The following ALDH1A2 variants were observed in gnomAD, a reference collection of about 807,000 sequenced individuals.
The protein encoded by ALDH1A2 is aldehyde dehydrogenase 1 family member A2, also known as retinal dehydrogenase 2.
A neutral mutation model predicts 60.3 loss-of-function variants in ALDH1A2; 27 were observed. The observed-to-expected ratio is 0.45, with a 90% confidence interval of 0.33 to 0.62. The LOEUF (loss-of-function observed/expected upper bound fraction) is 0.62, where lower values mean the gene tolerates loss of function less well. ALDH1A2 is among the 20% of genes least tolerant of loss of function. The probability of loss-of-function intolerance (pLI) is 0.02; values close to 1 mark genes in which losing one functional copy is unlikely to be tolerated. For synonymous variants in ALDH1A2, 289 were observed against 232.4 expected (o/e 1.24, Z -2.21); for missense variants, 581 against 643.8 (o/e 0.90, Z 1.06).
At position 57,970,751 on chromosome 15, in the gene ALDH1A2, C is replaced by G. The variant is rs35774233; in HGVS notation, c.799-4924G>C. ...CACCTTTTTAAAAATGGAAAAATCT[C>G]TACTAGAGATCCCAGTAAACTAGTT... is the stretch of plus-strand genomic sequence containing the variant. On this transcript the variant is annotated intron_variant, in intron 7 of 12. Coordinates refer to ENST00000249750, the MANE Select transcript of ALDH1A2 (RefSeq NM_003888.4). Among the ~76,000 whole-genome samples the G allele has an allele frequency of 1.8e-3, 278 of 152,266 alleles. 1 individual carries two copies. Among genetic ancestry groups the G allele is most frequent in the Middle Eastern group, 6.8e-3 (2 of 294 alleles).
chr15:58,043,643 T>C (rs1243103178), intron 1 of ALDH1A2, among the ~76,000 whole-genome samples: 1 of 151,954 alleles, frequency 6.6e-6, no homozygotes, highest in Non-Finnish European at 1.5e-5. Context: ...AACGGTGAGA[T>C]TCAGGTGGAA....
chr15:57,970,715 C>G (rs1894034848), intron 7 of ALDH1A2, among the ~76,000 whole-genome samples: 1 of 152,064 alleles, frequency 6.6e-6, no homozygotes. Flanking sequence ...AGATTTTTCT[C>G]AGCGATATAA....
At chr15:57,998,876 G>C (rs1895156695) in intron 4 of ALDH1A2, among the ~76,000 whole-genome samples, 1 of 152,038 alleles carries the variant, frequency 6.6e-6, no homozygotes, top group African/African-American at 2.4e-5. Flanking sequence ...GAACAGAATA[G>C]AGAAATCAGA....
At chr15:58,011,559 A>T (rs1238758913) in intron 3 of ALDH1A2, among the ~76,000 whole-genome samples, 1 of 152,232 alleles carries the variant, frequency 6.6e-6, no homozygotes, top group Non-Finnish European at 1.5e-5. Context: ...TGAAATTAAC[A>T]AACATGTTTG....
intron 7 of ALDH1A2, 108 bp downstream of exon 7, chr15:57,992,597 T>C: frequency 1.0e-6 from 1 of 1,002,508 alleles, no homozygotes; most frequent in Non-Finnish European, 1.6e-6. Flanking sequence ...GCTTGGGTAC[T>C]CACTGCCCTT....
intron 1 of ALDH1A2, among the ~76,000 whole-genome samples, chr15:58,027,492 C>T (rs11857461): frequency 0.38 from 57,267 of 151,948 alleles, 11,990 homozygotes; most frequent in Non-Finnish European, 0.49. Flanking sequence ...ACCTCTTCTT[C>T]TCCAAAGGAT....
intron 7 of ALDH1A2, among the ~76,000 whole-genome samples, chr15:57,991,909 T>G (rs551361723): frequency 1.3e-5 from 2 of 152,186 alleles, no homozygotes; most frequent in East Asian, 1.9e-4. Flanking sequence ...TCAGAGATAT[T>G]TGAGTAACAT....
intron 1 of ALDH1A2, among the ~76,000 whole-genome samples, chr15:58,035,351 G>A (rs1896351664): frequency 6.6e-6 from 1 of 151,252 alleles, no homozygotes; most frequent in South Asian, 2.1e-4. Context: ...CTTTTAGTTA[G>A]CCAGGCTACA....
chr15:58,030,620 T>C (rs1376545282), intron 1 of ALDH1A2, among the ~76,000 whole-genome samples: 2 of 152,162 alleles, frequency 1.3e-5, no homozygotes, highest in African/African-American at 4.8e-5. Flanking sequence ...GCAGGTGACA[T>C]GATTGTATAT....
chr15:57,973,765 G>A (rs1299802230), intron 7 of ALDH1A2, among the ~76,000 whole-genome samples: 2 of 152,144 alleles, frequency 1.3e-5, no homozygotes, highest in Admixed American at 6.5e-5. Flanking sequence ...AGAAGTCACG[G>A]GATTAGTTCC....
chr15:57,974,608 A>C (rs185536763), intron 7 of ALDH1A2, among the ~76,000 whole-genome samples: 186 of 152,266 alleles, frequency 1.2e-3, no homozygotes, highest in Non-Finnish European at 2.3e-3. Context: ...CTTACCTCTC[A>C]ACATACACAA....
chr15:57,982,430 G>C (rs1894546869), intron 7 of ALDH1A2, among the ~76,000 whole-genome samples: 1 of 152,144 alleles, frequency 6.6e-6, no homozygotes, highest in African/African-American at 2.4e-5. Flanking sequence ...TTGGTTTAGA[G>C]AGACGCAAAC....
At chr15:58,029,838 G>T (rs1376895670) in intron 1 of ALDH1A2, among the ~76,000 whole-genome samples, 1 of 152,090 alleles carries the variant, frequency 6.6e-6, no homozygotes, top group Admixed American at 6.5e-5. Flanking sequence ...AATAAACCAG[G>T]AAGAAGCTGA....
At chr15:57,963,638 C>T (rs944793094) in intron 9 of ALDH1A2, among the ~76,000 whole-genome samples, 6 of 152,078 alleles carry the variant, frequency 3.9e-5, no homozygotes, top group South Asian at 2.1e-4. Flanking sequence ...CCACTGCGCC[C>T]GGCCAGAATA....
intron 9 of ALDH1A2, among the ~76,000 whole-genome samples, chr15:57,962,473 A>T (rs1376123853): frequency 6.6e-6 from 1 of 152,222 alleles, no homozygotes; most frequent in African/African-American, 2.4e-5. Context: ...ACACTGGCTA[A>T]TTTACTATTC....
At chr15:58,040,463 C>A (rs1896489433) in intron 1 of ALDH1A2, among the ~76,000 whole-genome samples, 1 of 151,854 alleles carries the variant, frequency 6.6e-6, no homozygotes, top group Admixed American at 6.6e-5. Flanking sequence ...TATGAGGGGC[C>A]CACTATGTAC....
intron 1 of ALDH1A2, among the ~76,000 whole-genome samples, chr15:58,021,842 G>A (rs756667664): frequency 5.3e-5 from 8 of 152,242 alleles, no homozygotes; most frequent in Non-Finnish European, 1.2e-4. Flanking sequence ...ATGTGTTGCT[G>A]AGATCTAAGA....
At chr15:57,955,563 C>A (rs1028310166) in intron 12 of ALDH1A2, among the ~76,000 whole-genome samples, 2 of 152,216 alleles carry the variant, frequency 1.3e-5, no homozygotes, top group African/African-American at 2.4e-5. Context: ...CAATGACTCT[C>A]AATTACTCAG....
chr15:58,029,485 C>A (rs760506056), intron 1 of ALDH1A2, among the ~76,000 whole-genome samples: 2 of 151,438 alleles, frequency 1.3e-5, no homozygotes. Context: ...ATTAAAAGAA[C>A]TAGAGAAGCA....
Sources: allele counts gnomAD v4.1 joint callset (sites outside exome capture counted in the v4.1 genomes callset), GRCh38; gene constraint gnomAD v4.1.1; transcripts MANE v1.5; gene names NCBI Gene and HGNC (gene_info 2026-07-23, HGNC 2026-07-21).